The following METTL2B variants were observed in gnomAD, a reference collection of about 807,000 sequenced individuals.
The protein encoded by METTL2B is methyltransferase 2B, tRNA N3-cytidine.
Under a neutral mutation model 51.0 loss-of-function variants are expected in METTL2B, and 28 were observed. That is an observed-to-expected ratio of 0.55 (90% CI 0.41 to 0.75). The LOEUF is 0.75. Among genes scored for constraint, METTL2B ranks in the 30% least tolerant of loss-of-function variants. METTL2B has a pLI of 0.00. For synonymous variants in METTL2B, 128 were observed against 166.3 expected, an observed-to-expected ratio of 0.77 and a Z score of 1.77; for missense variants, 313 against 460.7, an observed-to-expected ratio of 0.68 and a Z score of 2.93.
chr7:128,501,152 C>T (rs988346679), intron 8 of METTL2B, 184 bp downstream of exon 8: 59 of 985,344 alleles, frequency 6.0e-5, no homozygotes, highest in Non-Finnish European at 7.0e-5. Context: ...CACTCGGGCC[C>T]CCAGGCAGCC....
Position 128,502,185 on chromosome 7 carries a change from A to G in METTL2B, c.*269A>G, listed in dbSNP as rs1403775619. On this transcript the variant is annotated 3_prime_UTR_variant, in exon 9 of 9. Transcript: ENST00000262432. ...TCAGACTTGAACCTTAAACCTAGGA[A>G]AAGTTACTTTGTATCAGGATTCTAA... The G allele has an allele frequency of 2.4e-6, 1 of 412,236 alleles. No homozygotes were observed. Among genetic ancestry groups the G allele is most frequent in the East Asian group, 4.2e-5 (1 of 23,808 alleles). The allele number at this position is 412,236 out of a possible 1,614,324, so 25.5% of individuals were successfully genotyped here.
At position 128,502,121 on chromosome 7, in the gene METTL2B, T is replaced by A; in HGVS notation, c.*205T>A. ...GAAAGTAATGATAAAATAAAAAGAA[T>A]ATAAATGAGGTCTCGTTGATGCTGG... On this transcript the variant is annotated 3_prime_UTR_variant, in exon 9 of 9. Transcript: ENST00000262432. 1 of 625,284 alleles carries A rather than the reference T, an allele frequency of 1.6e-6. No homozygotes were observed. The highest frequency in any genetic ancestry group is 1.9e-5 in the African/African-American group (1 of 53,708). The allele number at this position is 625,284 out of a possible 1,614,324, so 38.7% of individuals were successfully genotyped here.
intron 4 of METTL2B, among the ~76,000 whole-genome samples, chr7:128,486,396 TCAAGAC>T (rs1261492329): frequency 2.6e-5 from 4 of 151,994 alleles, no homozygotes; most frequent in Non-Finnish European, 5.9e-5. Context: ...GGTCAGGAGT[TCAAGAC>T]CAACCTAGTC....
At position 128,504,878 on chromosome 7, in the gene METTL2B, C is replaced by T. The variant is rs1793099162; in HGVS notation, c.*2962C>T. ...CTTTGAGAGACCGAGGCAGGTGGATCACCTGAGGTCGGGAGTTCGAGACCA... is the reference window on the plus strand; with the variant it reads ...CTTTGAGAGACCGAGGCAGGTGGATTACCTGAGGTCGGGAGTTCGAGACCA... On this transcript the variant is annotated 3_prime_UTR_variant, in exon 9 of 9. Coordinates refer to ENST00000262432, the MANE Select transcript of METTL2B (RefSeq NM_018396.3). The T allele has an allele frequency of 6.6e-6, 1 of 151,758 alleles. No individual in the cohort carries two copies. The highest frequency in any genetic ancestry group is 2.1e-4 in the South Asian group (1 of 4,814). The allele number at this position is 151,758 out of a possible 1,614,324, so 9.4% of individuals were successfully genotyped here.
At chr7:128,484,223 T>TTTTTTTGTTTTGTTTTG (rs1554428820) in intron 4 of METTL2B, 1 of 84,716 alleles carries the variant, frequency 1.2e-5, no homozygotes, top group African/African-American at 4.8e-5. Flanking sequence ...GATCCTTTTT[T>TTTTTTTGTTTTGTTTTG]TTTTTTTTTT....
rs755911877 is a variant in METTL2B at position 128,493,875 on chromosome 7, C to A, written c.741C>A (p.Tyr247Ter). ...VHDLCDEEKS[Y>*]PVPKGSLDII... is the part of the protein sequence containing the mutation. ...ACCTGTGTGATGAAGAGAAGAGTTA[C>A]CCAGTGCCCAAGGGCAGTCTTGATA... Residue 247 changes from tyrosine to a stop codon, truncating the protein, a stop_gained, in exon 6 of 9, where the codon TAC becomes TAA. Coordinates refer to ENST00000262432, the MANE Select transcript of METTL2B (RefSeq NM_018396.3). LOFTEE classifies it high-confidence loss of function. 37 of 1,612,750 alleles carry A rather than the reference C, an allele frequency of 2.3e-5. No homozygotes were observed. In the South Asian group the frequency reaches 3.6e-4, roughly 16 times the overall value.
Position 128,482,807 on chromosome 7 carries a change from T to TA in METTL2B, c.608+2112dup, listed in dbSNP as rs370353098. On this transcript the variant is annotated intron_variant, in intron 4 of 8. Transcript: ENST00000262432. The stretch of plus-strand genomic sequence containing the variant: ...CCTCAGCCTCCCAAAGTGCTGGGAT[T>TA]ACAGGCGTGAGCCATGGCTCCTGGC... 2.4e-3 allele frequency among the ~76,000 whole-genome samples: 366 copies of TA among 152,358 alleles called. 2 individuals are homozygous for TA. The highest frequency in any genetic ancestry group is 8.2e-3 in the African/African-American group (341 of 41,592).
rs1440897103 is a variant in METTL2B, at chr7:128,496,776, GTTTGTTTGT to G, written c.810-1257_810-1249del. On this transcript the variant is annotated intron_variant, in intron 6 of 8. Transcript: ENST00000262432. ...CTGCTTTTTCTTTGTTTGTTTGTTT[GTTTGTTTGT>G]TTGTTTGTTTTCTGAGACAGAGTTT... Among the ~76,000 whole-genome samples, 13 of 151,772 alleles carry G rather than the reference GTTTGTTTGT, an allele frequency of 8.6e-5. 1 individual carries two copies. The East Asian group carries it at 1.5e-3, about 18-fold the overall frequency.
chr7:128,491,594 C>CAA (rs199737741), intron 5 of METTL2B, among the ~76,000 whole-genome samples: 13 of 133,140 alleles, frequency 9.8e-5, no homozygotes, highest in East Asian at 6.4e-4. Flanking sequence ...AACTCTATCT[C>CAA]AAAAAAAAAA....
chr7:128,486,078 G>A (rs1244485511), intron 4 of METTL2B, among the ~76,000 whole-genome samples: 1 of 152,072 alleles, frequency 6.6e-6, no homozygotes, highest in Non-Finnish European at 1.5e-5. Context: ...TAGATCACCT[G>A]AGGTCAGGAG....
intron 5 of METTL2B, among the ~76,000 whole-genome samples, chr7:128,490,261 AGAAT>A (rs1397097014): frequency 6.6e-6 from 1 of 152,132 alleles, no homozygotes; most frequent in Non-Finnish European, 1.5e-5. Flanking sequence ...AAAGAAAGAA[AGAAT>A]AAGACTAAAA....
At chr7:128,498,874 G>A (rs139169039) in intron 7 of METTL2B, among the ~76,000 whole-genome samples, 2,367 of 152,082 alleles carry the variant, frequency 0.016, 31 homozygotes, top group South Asian at 0.056. Context: ...GCACATGCCT[G>A]TAATCCCAGC....
intron 8 of METTL2B, 22 bp from the exon 9 acceptor site, chr7:128,501,740 C>T (rs1381597113): frequency 6.2e-7 from 1 of 1,611,602 alleles, no homozygotes; most frequent in South Asian, 1.1e-5. Context: ...AATGCATAAA[C>T]ATCTTTTATT....
At chr7:128,499,949 TGTC>T (rs1792999124) in intron 7 of METTL2B, among the ~76,000 whole-genome samples, 1 of 152,174 alleles carries the variant, frequency 6.6e-6, no homozygotes, top group Admixed American at 6.5e-5. Flanking sequence ...GATAGGGAGA[TGTC>T]GTGCTTGTCA....
intron 5 of METTL2B, among the ~76,000 whole-genome samples, chr7:128,491,782 G>T (rs1482409023): frequency 2.0e-5 from 3 of 149,120 alleles, no homozygotes; most frequent in South Asian, 4.3e-4. Context: ...AAAAAAAAGG[G>T]TCTGTCACAA....
intron 4 of METTL2B, among the ~76,000 whole-genome samples, chr7:128,480,917 T>C (rs1375497206): frequency 6.6e-6 from 1 of 152,252 alleles, no homozygotes; most frequent in Non-Finnish European, 1.5e-5. Context: ...TTGGAAAATA[T>C]GGATTATGTC....
chr7:128,498,601 A>C (rs1792968570), intron 7 of METTL2B, among the ~76,000 whole-genome samples: 1 of 152,146 alleles, frequency 6.6e-6, no homozygotes, highest in Non-Finnish European at 1.5e-5. Flanking sequence ...AATATGTGAC[A>C]GAGTAGTATA....
At chr7:128,492,688 C>G (rs1254457516) in intron 5 of METTL2B, among the ~76,000 whole-genome samples, 5 of 152,026 alleles carry the variant, frequency 3.3e-5, no homozygotes, top group Admixed American at 3.3e-4. Flanking sequence ...GCGATCTCGG[C>G]TCACTGCAAG....
chr7:128,476,906 C>T (rs764252319), intron 1 of METTL2B, 31 bp downstream of exon 1: 12 of 1,611,776 alleles, frequency 7.4e-6, no homozygotes, highest in Admixed American at 1.7e-5. Flanking sequence ...CCCGGCCTGT[C>T]GCTGGCCGTC....
Sources: allele counts gnomAD v4.1 joint callset (sites outside exome capture counted in the v4.1 genomes callset), GRCh38; gene constraint gnomAD v4.1.1; transcripts MANE v1.5; gene names NCBI Gene and HGNC (gene_info 2026-07-23, HGNC 2026-07-21).